AUTS2: variants seen among roughly 807,000 people sequenced by gnomAD.
The protein encoded by AUTS2 is autism susceptibility gene 2 protein.
AUTS2 carries 17 observed loss-of-function variants against 112.4 expected under a neutral mutation model. The ratio of observed to expected loss-of-function variants is 0.15; its 90% CI spans 0.10 to 0.23. AUTS2 has a LOEUF of 0.23. AUTS2 is among the 10% of genes least tolerant of loss of function. The pLI is 1.00. For missense variants in AUTS2, 1,510 were observed against 1,701.6 expected (o/e 0.89, Z 1.98); for synonymous variants, 751 against 702.7 (o/e 1.07, Z -1.09).
intron 1 of AUTS2, among the ~76,000 whole-genome samples, chr7:69,615,183 C>T (rs1793300922): frequency 6.6e-6 from 1 of 152,068 alleles, no homozygotes; most frequent in South Asian, 2.1e-4. Flanking sequence ...CTATAATACC[C>T]CTGTTGTGAT....
rs182778792 is a variant in AUTS2 at position 69,953,084 on chromosome 7, T to C, written c.522+53586T>C. Among the ~76,000 whole-genome samples the C allele has an allele frequency of 1.8e-4, 27 of 152,316 alleles. No homozygotes were observed. The East Asian group carries it at 5.0e-3, about 28-fold the overall frequency. ...TTAGTGGCATGTTCTAGAGAAGGGTTCATGTGCTTTATTTACATAAAACCT... is the reference window on the plus strand; with the variant it reads ...TTAGTGGCATGTTCTAGAGAAGGGTCCATGTGCTTTATTTACATAAAACCT... On this transcript the variant is annotated intron_variant, in intron 2 of 18. Coordinates refer to ENST00000342771, the MANE Select transcript of AUTS2 (RefSeq NM_015570.4).
intron 4 of AUTS2, among the ~76,000 whole-genome samples, chr7:70,365,660 A>G (rs1442469448): frequency 6.6e-6 from 1 of 152,224 alleles, no homozygotes; most frequent in Non-Finnish European, 1.5e-5. Flanking sequence ...CTGGTAATTG[A>G]CCATATTGGA....
rs1236882162 is a variant in AUTS2 at position 69,980,084 on chromosome 7, T to C, written c.522+80586T>C. 2.0e-5 allele frequency among the ~76,000 whole-genome samples: 3 copies of C among 152,220 alleles called. No individual in the cohort carries two copies. The East Asian group carries it at 5.8e-4, about 29-fold the overall frequency. On this transcript the variant is annotated intron_variant, in intron 2 of 18. Transcript: ENST00000342771. ...GACTTTTCCCCACTTCACCCCCTCATCTACCATTTTTTGTTTTGTGTTTTT... is the reference window on the plus strand; with the variant it reads ...GACTTTTCCCCACTTCACCCCCTCACCTACCATTTTTTGTTTTGTGTTTTT...
At chr7:70,029,401 G>T (rs1005842309) in intron 2 of AUTS2, among the ~76,000 whole-genome samples, 1 of 151,618 alleles carries the variant, frequency 6.6e-6, no homozygotes, top group Non-Finnish European at 1.5e-5. Context: ...GTGGATTTCA[G>T]ATGTTCACCT....
rs573454762 is a variant in AUTS2, at chr7:70,377,581, A to G, written c.661-58171A>G. ...GCCATCACCACTGTTCATCTCCGGA[A>G]CATTTTTCGTCTTCCCAAACTGAAA... On this transcript the variant is annotated intron_variant, in intron 4 of 18. Coordinates refer to ENST00000342771, the MANE Select transcript of AUTS2 (RefSeq NM_015570.4). Among the ~76,000 whole-genome samples the G allele has an allele frequency of 3.3e-5, 5 of 151,410 alleles. No homozygotes were observed. In the South Asian group the frequency reaches 1.1e-3, roughly 32 times the overall value.
At position 70,764,621 on chromosome 7, in the gene AUTS2, G is replaced by T. The variant is rs879808458; in HGVS notation, c.1215-131G>T. ...TCAGAAAGTGTGCTCGTACAGGGAG[G>T]ATCTGTAAAGAGGAAGGGGCAAGAG... On this transcript the variant is annotated intron_variant, in intron 7 of 18. Coordinates refer to ENST00000342771, the MANE Select transcript of AUTS2 (RefSeq NM_015570.4). 1.7e-5 allele frequency: 11 copies of T among 631,516 alleles called. No individual in the cohort carries two copies. The Admixed American group carries it at 1.9e-4, about 11-fold the overall frequency. The allele number at this position is 631,516 out of a possible 1,614,324, so 39.1% of individuals were successfully genotyped here.
At chr7:69,735,866 A>G (rs1262985221) in intron 1 of AUTS2, among the ~76,000 whole-genome samples, 2 of 152,224 alleles carry the variant, frequency 1.3e-5, no homozygotes, top group African/African-American at 4.8e-5. Flanking sequence ...TGTGGAGGAC[A>G]TTTGTATCTC....
At chr7:70,737,858 T>C (rs1585600560) in intron 6 of AUTS2, among the ~76,000 whole-genome samples, 1 of 152,274 alleles carries the variant, frequency 6.6e-6, no homozygotes, top group East Asian at 1.9e-4. Flanking sequence ...TTTATTGAGG[T>C]TGTGATTAGC....
intron 2 of AUTS2, among the ~76,000 whole-genome samples, chr7:70,034,935 G>C (rs534799333): frequency 6.6e-6 from 1 of 152,092 alleles, no homozygotes; most frequent in Non-Finnish European, 1.5e-5. Context: ...GGGCCCAAGC[G>C]ATCCTCTCAC....
chr7:70,033,119 A>G (rs144390822), intron 2 of AUTS2, among the ~76,000 whole-genome samples: 4,145 of 152,280 alleles, frequency 0.027, 78 homozygotes, highest in Middle Eastern at 0.11. Flanking sequence ...TTGTGGTAAT[A>G]GTTGCACAAC....
chr7:70,218,964 A>T (rs1392615493), intron 4 of AUTS2, among the ~76,000 whole-genome samples: 2 of 152,192 alleles, frequency 1.3e-5, no homozygotes, highest in African/African-American at 2.4e-5. Context: ...TAGTAGTAAG[A>T]TTTAGAGTAC....
At chr7:69,987,304 C>T (rs1440950150) in intron 2 of AUTS2, among the ~76,000 whole-genome samples, 1 of 152,190 alleles carries the variant, frequency 6.6e-6, no homozygotes, top group Non-Finnish European at 1.5e-5. Flanking sequence ...AGAATTTGAG[C>T]TTCTATTGAA....
chr7:70,360,215 C>G (rs555841409), intron 4 of AUTS2, among the ~76,000 whole-genome samples: 18 of 152,282 alleles, frequency 1.2e-4, no homozygotes, highest in Middle Eastern at 3.4e-3. Flanking sequence ...GGAGCCTCAA[C>G]CTCCTGGGCT....
At chr7:69,951,401 C>A (rs751827654) in intron 2 of AUTS2, among the ~76,000 whole-genome samples, 1 of 151,890 alleles carries the variant, frequency 6.6e-6, no homozygotes, top group African/African-American at 2.4e-5. Flanking sequence ...ATTTTCTTTT[C>A]GTCAGTTTGT....
At chr7:70,047,057 C>T (rs1584633482) in intron 2 of AUTS2, among the ~76,000 whole-genome samples, 1 of 152,032 alleles carries the variant, frequency 6.6e-6, no homozygotes, top group South Asian at 2.1e-4. Context: ...GTCTTTTATG[C>T]AGTTCGGGGG....
chr7:69,706,710 C>T (rs552450953), intron 1 of AUTS2, among the ~76,000 whole-genome samples: 37 of 152,220 alleles, frequency 2.4e-4, no homozygotes, highest in Admixed American at 3.9e-4. Flanking sequence ...TTTCCTTTCT[C>T]TTTGTAATTA....
At chr7:69,997,679 G>C (rs1344524461) in intron 2 of AUTS2, among the ~76,000 whole-genome samples, 2 of 152,052 alleles carry the variant, frequency 1.3e-5, no homozygotes, top group Non-Finnish European at 2.9e-5. Context: ...TAAACAACCA[G>C]CTCTCACGTG....
At chr7:70,396,504 G>A (rs953135749) in intron 4 of AUTS2, among the ~76,000 whole-genome samples, 4 of 152,004 alleles carry the variant, frequency 2.6e-5, no homozygotes, top group Admixed American at 2.6e-4. Flanking sequence ...AGTCTTCAGA[G>A]TAGCTGGGAT....
intron 5 of AUTS2, among the ~76,000 whole-genome samples, chr7:70,609,619 G>C (rs1429779558): frequency 6.6e-6 from 1 of 151,140 alleles, no homozygotes; most frequent in Non-Finnish European, 1.5e-5. Flanking sequence ...AGTAGAGACA[G>C]GGTTTCACCA....
Sources: allele counts gnomAD v4.1 joint callset (sites outside exome capture counted in the v4.1 genomes callset), GRCh38; gene constraint gnomAD v4.1.1; transcripts MANE v1.5; gene names NCBI Gene and HGNC (gene_info 2026-07-23, HGNC 2026-07-21).